PLEKHA8: variants seen among roughly 807,000 people sequenced by gnomAD.
PLEKHA8 encodes the protein pleckstrin homology domain containing A8, also known as pleckstrin homology domain-containing family A member 8.
PLEKHA8 carries 36 observed loss-of-function variants against 68.2 expected under a neutral mutation model. The ratio of observed to expected loss-of-function variants is 0.53; its 90% CI spans 0.40 to 0.70. The LOEUF is 0.70. PLEKHA8 is among the 30% of genes least tolerant of loss of function. The pLI is 0.00. For missense variants in PLEKHA8, 505 were observed against 615.4 expected, an observed-to-expected ratio of 0.82 and a Z score of 1.90; for synonymous variants, 211 against 216.1, an observed-to-expected ratio of 0.98 and a Z score of 0.20.
intron 13 of PLEKHA8, among the ~76,000 whole-genome samples, chr7:30,113,046 C>G (rs1390554489): frequency 6.6e-6 from 1 of 152,116 alleles, no homozygotes; most frequent in Non-Finnish European, 1.5e-5. Context: ...TTTTTGTCTT[C>G]TGATAGTTTT....
chr7:30,032,208 A>G (rs1790719986), intron 1 of PLEKHA8, among the ~76,000 whole-genome samples: 1 of 152,196 alleles, frequency 6.6e-6, no homozygotes, highest in African/African-American at 2.4e-5. Flanking sequence ...AAGGAGTATT[A>G]TACATGTAGG....
chr7:30,052,779 A>C lies in PLEKHA8; in HGVS notation c.709A>C (p.Met237Leu), dbSNP rs1792529421. 6.4e-7 allele frequency: 1 copy of C among 1,568,986 alleles called. No homozygotes were observed. Among genetic ancestry groups the C allele is most frequent in the Non-Finnish European group, 8.6e-7 (1 of 1,165,426 alleles). The change falls in exon 7 of 14, where the codon ATG (methionine) becomes CTG (leucine). Residue 237 changes from methionine (M) to leucine (L), a missense_variant. Met to Leu is a conservative substitution (Grantham distance 15, BLOSUM62 2). Transcript: ENST00000449726. ...MEINGEEEIL[M>L]KNKNSLYLKS... ...AATAAATGGTGAGGAAGAAATCCTAATGAAAAATAAGAATTCCTTATATTT... is the reference window on the plus strand; with the variant it reads ...AATAAATGGTGAGGAAGAAATCCTACTGAAAAATAAGAATTCCTTATATTT...
At chr7:30,072,188 G>A (rs912987536) in intron 12 of PLEKHA8, 1 of 152,188 alleles carries the variant, frequency 6.6e-6, no homozygotes, top group Non-Finnish European at 1.5e-5. Flanking sequence ...ATACTTGAAT[G>A]TATTAATTAT....
intron 13 of PLEKHA8, among the ~76,000 whole-genome samples, chr7:30,115,579 C>T (rs1280915283): frequency 6.8e-5 from 6 of 87,668 alleles, no homozygotes; most frequent in African/African-American, 1.6e-4. Context: ...TATACATGCA[C>T]GTATACATGT....
At chr7:30,065,056 T>G (rs1793730322) in intron 12 of PLEKHA8, among the ~76,000 whole-genome samples, 1 of 152,196 alleles carries the variant, frequency 6.6e-6, no homozygotes, top group Admixed American at 6.5e-5. Flanking sequence ...CTCTCTCCTT[T>G]TCTCCTCAAG....
In PLEKHA8 at chr7:30,120,169, A is replaced by C. The variant is rs1261085276; in HGVS notation, c.1363-9097A>C. Among the ~76,000 whole-genome samples, 6 of 142,410 alleles carry C rather than the reference A, an allele frequency of 4.2e-5. No individual in the cohort carries two copies. In the East Asian group the frequency reaches 5.9e-4, roughly 14 times the overall value. The allele number at this position is 142,410 out of a possible 152,430, so 93.4% of individuals were successfully genotyped here. A position where few individuals can be genotyped will look rare whatever the true frequency, so the allele number is the denominator to read the frequency against. ...AATACAAATAATTAAAAAAAAAAAA[A>C]CAAAAAAAAAAACAGAAAATAACAT... On this transcript the variant is annotated intron_variant, in intron 13 of 13. Coordinates refer to the PLEKHA8 transcript ENST00000396257.
chr7:30,094,924 A>G (rs1019103731), downstream of PLEKHA8, among the ~76,000 whole-genome samples: 1 of 151,994 alleles, frequency 6.6e-6, no homozygotes, highest in Non-Finnish European at 1.5e-5. Flanking sequence ...CCAGTCTATC[A>G]TTGTTGGACA....
At chr7:30,129,330 A>G in exon 14 of PLEKHA8, 1 of 1,612,776 alleles carries the variant, frequency 6.2e-7, no homozygotes, top group Non-Finnish European at 8.5e-7. Context: ...AACTCTGAGG[A>G]TGGAAGCCAC....
At chr7:30,039,762 G>C (rs1791384960) in intron 1 of PLEKHA8, among the ~76,000 whole-genome samples, 1 of 152,150 alleles carries the variant, frequency 6.6e-6, no homozygotes, top group South Asian at 2.1e-4. Flanking sequence ...GAGCATGTCT[G>C]TGAGTAGAGC....
chr7:30,107,337 A>G (rs1248930115), intron 13 of PLEKHA8, among the ~76,000 whole-genome samples: 1 of 151,994 alleles, frequency 6.6e-6, no homozygotes, highest in African/African-American at 2.4e-5. Flanking sequence ...AAAATTGTAA[A>G]CTTATTCCTA....
intron 12 of PLEKHA8, among the ~76,000 whole-genome samples, chr7:30,073,249 A>C (rs1311682383): frequency 6.6e-6 from 1 of 152,182 alleles, no homozygotes; most frequent in Non-Finnish European, 1.5e-5. Context: ...TTCTAGCTTA[A>C]ATACTGTATA....
chr7:30,109,615 AG>A (rs1562554333), intron 13 of PLEKHA8, among the ~76,000 whole-genome samples: 3 of 95,300 alleles, frequency 3.1e-5, no homozygotes, highest in African/African-American at 1.2e-4. Context: ...AAAAAAAAAG[AG>A]AGAGAGATTA....
At chr7:30,038,226 A>T (rs1413410618) in intron 1 of PLEKHA8, among the ~76,000 whole-genome samples, 1 of 151,880 alleles carries the variant, frequency 6.6e-6, no homozygotes, top group African/African-American at 2.4e-5. Flanking sequence ...AAAATACAAC[A>T]GTAGAATATT....
intron 13 of PLEKHA8, among the ~76,000 whole-genome samples, chr7:30,105,726 G>A (rs563008044): frequency 4.6e-5 from 7 of 152,114 alleles, no homozygotes; most frequent in Non-Finnish European, 2.9e-5. Flanking sequence ...TAAGTTTACC[G>A]GCCACTCAAG....
intron 12 of PLEKHA8, among the ~76,000 whole-genome samples, chr7:30,064,601 ATTG>A (rs1793688857): frequency 6.6e-6 from 1 of 152,178 alleles, no homozygotes. Context: ...ATTAGCATCT[ATTG>A]TTGTGATAAT....
Position 30,080,190 on chromosome 7 carries a change from A to T in PLEKHA8, c.*1403A>T. ...GAGACTTAAGAAAACAGTTTCTTAA[A>T]CTTCTTAAAACTTAAGAAACATTGT... On this transcript the variant is annotated 3_prime_UTR_variant, in exon 14 of 14. Coordinates refer to ENST00000449726, the MANE Select transcript of PLEKHA8 (RefSeq NM_001197026.2). The T allele has an allele frequency of 1.0e-6, 1 of 985,208 alleles. No individual in the cohort carries two copies. The highest frequency in any genetic ancestry group is 1.2e-6 in the Non-Finnish European group (1 of 829,732). The allele number at this position is 985,208 out of a possible 1,614,324, so 61.0% of individuals were successfully genotyped here. A position where few individuals can be genotyped will look rare whatever the true frequency, so the allele number is the denominator to read the frequency against.
chr7:30,065,766 A>G (rs1793804118), intron 12 of PLEKHA8, among the ~76,000 whole-genome samples: 1 of 152,222 alleles, frequency 6.6e-6, no homozygotes, highest in African/African-American at 2.4e-5. Flanking sequence ...TAAATATTTT[A>G]TTTAATCTTC....
chr7:30,032,526 G>A (rs541002457), intron 1 of PLEKHA8, among the ~76,000 whole-genome samples: 12 of 152,282 alleles, frequency 7.9e-5, no homozygotes, highest in South Asian at 2.1e-4. Flanking sequence ...ATATAGAGAC[G>A]TGGGTTTGCT....
At chr7:30,119,445 T>A (rs968952458) in intron 13 of PLEKHA8, among the ~76,000 whole-genome samples, 5 of 152,192 alleles carry the variant, frequency 3.3e-5, no homozygotes, top group African/African-American at 4.8e-5. Context: ...GTTATTAAGA[T>A]TGAGATAATG....
Sources: gnomAD v4.1 joint callset for allele counts (sites outside exome capture counted in the v4.1 genomes callset) on GRCh38, gnomAD v4.1.1 for gene constraint, MANE v1.5 for transcripts, NCBI Gene and HGNC (gene_info 2026-07-23, HGNC 2026-07-21) for gene names.